Variants in IL1RAPL2 observed in about 807,000 individuals in gnomAD.
The protein encoded by IL1RAPL2 is X-linked interleukin-1 receptor accessory protein-like 2.
IL1RAPL2 carries 3 observed loss-of-function variants against 44.1 expected under a neutral mutation model. The observed-to-expected ratio is 0.07, with a 90% CI of 0.03 to 0.18. The LOEUF (loss-of-function observed/expected upper bound fraction) is 0.18, where lower values mean the gene tolerates loss of function less well. Among genes scored for constraint, IL1RAPL2 ranks in the 10% least tolerant of loss-of-function variants. The probability of loss-of-function intolerance (pLI) is 1.00; values close to 1 mark genes in which losing one functional copy is unlikely to be tolerated. For missense variants in IL1RAPL2, 391 were observed against 496.4 expected, an observed-to-expected ratio of 0.79 and a Z score of 2.02; for synonymous variants, 181 against 178.8, an observed-to-expected ratio of 1.01 and a Z score of -0.10.
chrX:104,589,882 A>G (rs1209305198), intron 1 of IL1RAPL2, among the ~76,000 whole-genome samples: 2 of 112,125 alleles, frequency 1.8e-5, no homozygotes, highest in African/African-American at 6.5e-5. Flanking sequence ...TAAAAGACTC[A>G]GTGAAATTTT....
At chrX:104,991,997 C>A (rs1281092443) in intron 2 of IL1RAPL2, among the ~76,000 whole-genome samples, 7 of 111,112 alleles carry the variant, frequency 6.3e-5, no homozygotes, top group Non-Finnish European at 7.6e-5. Flanking sequence ...CAATGGAAGG[C>A]ATTCAAATTA....
chrX:105,560,155 A>C (rs1366280825), intron 6 of IL1RAPL2, among the ~76,000 whole-genome samples: 4 of 111,969 alleles, frequency 3.6e-5, no homozygotes, highest in Non-Finnish European at 7.5e-5. Flanking sequence ...AGCAGTGGAC[A>C]TAACAAGGTG....
At chrX:104,702,867 A>T (rs762797689) in intron 2 of IL1RAPL2, among the ~76,000 whole-genome samples, 1 of 112,091 alleles carries the variant, frequency 8.9e-6, no homozygotes, top group South Asian at 3.7e-4. Context: ...TGAAGCAAGG[A>T]AATTAAGAGC....
intron 3 of IL1RAPL2, among the ~76,000 whole-genome samples, chrX:105,198,477 A>ATT (rs1278312467): frequency 2.7e-5 from 3 of 112,343 alleles, no homozygotes; most frequent in Non-Finnish European, 5.6e-5. Flanking sequence ...TATTGCAAAG[A>ATT]TAATATAGAG....
intron 5 of IL1RAPL2, among the ~76,000 whole-genome samples, chrX:105,293,759 AT>A (rs199789667): frequency 0.01 from 1,166 of 111,436 alleles, 27 homozygotes; most frequent in African/African-American, 0.035. Context: ...TGAAAAAAAA[AT>A]AATGTGAACC....
At chrX:105,490,906 T>G (rs1199247777) in intron 6 of IL1RAPL2, among the ~76,000 whole-genome samples, 1 of 112,230 alleles carries the variant, frequency 8.9e-6, no homozygotes, top group Non-Finnish European at 1.9e-5. Context: ...CAGGACCTCA[T>G]GTTCTATATG....
chrX:105,646,693 C>G (rs2037608378), intron 6 of IL1RAPL2, among the ~76,000 whole-genome samples: 1 of 112,111 alleles, frequency 8.9e-6, no homozygotes, highest in Non-Finnish European at 1.9e-5. Flanking sequence ...AACCCTTAAT[C>G]TATCCCAGCC....
At chrX:104,724,673 A>C (rs772956516) in intron 2 of IL1RAPL2, among the ~76,000 whole-genome samples, 29 of 111,716 alleles carry the variant, frequency 2.6e-4, no homozygotes, top group African/African-American at 9.4e-4. Context: ...CAGATCATCT[A>C]TAAAGGAGCA....
chrX:104,642,402 C>T (rs998344435), intron 1 of IL1RAPL2, among the ~76,000 whole-genome samples: 3 of 111,972 alleles, frequency 2.7e-5, no homozygotes, highest in African/African-American at 9.7e-5. Context: ...TATTATTGGA[C>T]ATTTACATTA....
intron 2 of IL1RAPL2, among the ~76,000 whole-genome samples, chrX:104,807,071 C>A (rs1357172189): frequency 9.0e-6 from 1 of 110,837 alleles, no homozygotes; most frequent in Non-Finnish European, 1.9e-5. Flanking sequence ...AGATAGGGCA[C>A]CATGCTTCCT....
intron 2 of IL1RAPL2, among the ~76,000 whole-genome samples, chrX:104,942,111 T>C (rs1163496970): frequency 8.9e-6 from 1 of 111,931 alleles, no homozygotes; most frequent in Non-Finnish European, 1.9e-5. Flanking sequence ...AGCCTTGTAG[T>C]ATAGTTTGAA....
intron 5 of IL1RAPL2, among the ~76,000 whole-genome samples, chrX:105,353,967 A>G (rs1201102803): frequency 9.0e-6 from 1 of 110,694 alleles, no homozygotes; most frequent in African/African-American, 3.3e-5. Context: ...TTCCAACACT[A>G]TGTTGAATAG....
chrX:105,684,667 T>C (rs1174510437), intron 6 of IL1RAPL2, among the ~76,000 whole-genome samples: 1 of 112,123 alleles, frequency 8.9e-6, no homozygotes, highest in Admixed American at 9.4e-5. Context: ...GACAGCTCTG[T>C]AGAGAGCAGT....
At chrX:105,052,474 A>T (rs968187502) in intron 2 of IL1RAPL2, among the ~76,000 whole-genome samples, 4 of 112,167 alleles carry the variant, frequency 3.6e-5, no homozygotes, top group Non-Finnish European at 7.5e-5. Context: ...TGTCTGTGTA[A>T]TACTGTTCTC....
chrX:104,676,587 A>G (rs906080172), intron 2 of IL1RAPL2, among the ~76,000 whole-genome samples: 1 of 110,953 alleles, frequency 9.0e-6, no homozygotes, highest in Non-Finnish European at 1.9e-5. Flanking sequence ...CTTGGAGTTT[A>G]TCTTCTCGAG....
chrX:105,504,839 G>A (rs1220278921), intron 6 of IL1RAPL2, among the ~76,000 whole-genome samples: 2 of 111,704 alleles, frequency 1.8e-5, no homozygotes, highest in East Asian at 5.7e-4. Context: ...TGCATATAAT[G>A]CAACCCATGT....
intron 2 of IL1RAPL2, among the ~76,000 whole-genome samples, chrX:104,933,397 A>G (rs762693848): frequency 1.8e-5 from 2 of 111,811 alleles, no homozygotes; most frequent in East Asian, 2.8e-4. Flanking sequence ...TATTGCATGG[A>G]AAGTACTTTT....
chrX:105,222,556 G>A (rs1384656781), intron 3 of IL1RAPL2, among the ~76,000 whole-genome samples: 3 of 112,161 alleles, frequency 2.7e-5, no homozygotes, highest in Non-Finnish European at 5.6e-5. Context: ...AGAAGATAAT[G>A]TAGAAAAGAG....
chrX:105,155,298 T>A (rs987253744), intron 2 of IL1RAPL2, among the ~76,000 whole-genome samples: 6 of 110,982 alleles, frequency 5.4e-5, no homozygotes, highest in African/African-American at 2.0e-4. Flanking sequence ...GCTGTCATTG[T>A]TGGTTGAGAT....
Sources: gnomAD v4.1 joint callset for allele counts (sites outside exome capture counted in the v4.1 genomes callset) on GRCh38, gnomAD v4.1.1 for gene constraint, MANE v1.5 for transcripts, NCBI Gene and HGNC (gene_info 2026-07-23, HGNC 2026-07-21) for gene names.